SLC2A9: variants seen among roughly 807,000 people sequenced by gnomAD.
The protein encoded by SLC2A9 is solute carrier family 2 member 9.
A neutral mutation model predicts 50.6 loss-of-function variants in SLC2A9; 39 were observed. The ratio of observed to expected loss-of-function variants is 0.77; its 90% CI spans 0.60 to 1.01. The LOEUF (loss-of-function observed/expected upper bound fraction) is 1.01. SLC2A9 is among the 50% of genes least tolerant of loss of function. SLC2A9 has a pLI of 0.00. For missense variants in SLC2A9, 686 were observed against 677.6 expected, an observed-to-expected ratio of 1.01 and a Z score of -0.14; for synonymous variants, 324 against 276.9, an observed-to-expected ratio of 1.17 and a Z score of -1.69.
At chr4:9,927,181 C>G (rs1745062039) in intron 6 of SLC2A9, among the ~76,000 whole-genome samples, 1 of 126,694 alleles carries the variant, frequency 7.9e-6, no homozygotes, top group African/African-American at 3.5e-5. Flanking sequence ...AGGCATCCGC[C>G]ACCACGCCTG....
chr4:9,987,981 GT>G (rs1443563651), intron 3 of SLC2A9, among the ~76,000 whole-genome samples: 1 of 152,246 alleles, frequency 6.6e-6, no homozygotes, highest in East Asian at 1.9e-4. Flanking sequence ...AAGAACTAGC[GT>G]TTCCCCCCTG....
chr4:10,038,506 C>CAAAAAAAAA (rs35698968), intron 1 of SLC2A9, among the ~76,000 whole-genome samples: 10 of 49,432 alleles, frequency 2.0e-4, no homozygotes, highest in African/African-American at 8.8e-4. Flanking sequence ...GACTCTGTCT[C>CAAAAAAAAA]AAAAAAAAAA....
chr4:9,979,569 C>G (rs1259289228), intron 5 of SLC2A9, among the ~76,000 whole-genome samples: 2 of 152,082 alleles, frequency 1.3e-5, no homozygotes, highest in African/African-American at 4.8e-5. Flanking sequence ...CCATGTCTAC[C>G]ACCTCAGTCG....
intron 3 of SLC2A9, among the ~76,000 whole-genome samples, chr4:9,817,202 T>G (rs939252542): frequency 6.6e-6 from 1 of 152,184 alleles, no homozygotes; most frequent in African/African-American, 2.4e-5. Context: ...TGACCCAAAC[T>G]CAAGATCCTT....
downstream of SLC2A9, chr4:9,826,125 A>G (rs1725090492): frequency 8.8e-6 from 4 of 456,692 alleles, no homozygotes; most frequent in Non-Finnish European, 1.6e-5. Context: ...CTACCTATAT[A>G]GAAGAACGCT....
chr4:9,815,649 T>A (rs974118912), intron 3 of SLC2A9, among the ~76,000 whole-genome samples: 2 of 152,186 alleles, frequency 1.3e-5, no homozygotes, highest in Admixed American at 6.5e-5. Flanking sequence ...AAAGGCAAAT[T>A]TTCTGGTTCC....
intron 2 of SLC2A9, among the ~76,000 whole-genome samples, chr4:10,000,918 C>T (rs1759678878): frequency 1.3e-5 from 2 of 152,174 alleles, no homozygotes. Flanking sequence ...CCAATCTCCT[C>T]AACTAATCCA....
At chr4:9,931,946 C>CTCTCTCTCTCAA (rs1746083130) in intron 6 of SLC2A9, among the ~76,000 whole-genome samples, 1 of 58,340 alleles carries the variant, frequency 1.7e-5, no homozygotes, top group African/African-American at 9.3e-5. Context: ...CTCTCTCTCT[C>CTCTCTCTCTCAA]TCTCTCTCTC....
intron 10 of SLC2A9, among the ~76,000 whole-genome samples, chr4:9,878,173 A>G (rs1301251822): frequency 1.3e-5 from 2 of 152,014 alleles, no homozygotes; most frequent in African/African-American, 2.4e-5. Flanking sequence ...ATTGCAATAT[A>G]TATATATTTG....
At chr4:9,909,835 T>C (rs1343469201) in intron 7 of SLC2A9, among the ~76,000 whole-genome samples, 2 of 152,262 alleles carry the variant, frequency 1.3e-5, no homozygotes, top group African/African-American at 4.8e-5. Flanking sequence ...TGAACATTTA[T>C]GAACAGTTTG....
At chr4:10,012,814 G>T (rs913275892) in intron 2 of SLC2A9, among the ~76,000 whole-genome samples, 2 of 151,930 alleles carry the variant, frequency 1.3e-5, no homozygotes, top group Non-Finnish European at 2.9e-5. Context: ...AGGGAGTGAG[G>T]GGGGAAATGA....
chr4:9,960,752 G>T (rs577453355), intron 5 of SLC2A9, among the ~76,000 whole-genome samples: 2 of 152,306 alleles, frequency 1.3e-5, no homozygotes, highest in East Asian at 3.9e-4. Context: ...GGTGATGAGA[G>T]AGGTGATTCC....
downstream of SLC2A9, among the ~76,000 whole-genome samples, chr4:9,796,895 A>G (rs138311708): frequency 0.016 from 2,462 of 152,200 alleles, 78 homozygotes; most frequent in African/African-American, 0.056. Flanking sequence ...TCACTGAGTC[A>G]CTCACATTCC....
At chr4:9,811,120 A>C (rs1722833961) in intron 3 of SLC2A9, among the ~76,000 whole-genome samples, 1 of 149,522 alleles carries the variant, frequency 6.7e-6, no homozygotes, top group Admixed American at 6.6e-5. Context: ...AGAGGAACTA[A>C]CCCTCCTGGG....
At chr4:9,867,317 C>T (rs1732652942) in intron 10 of SLC2A9, among the ~76,000 whole-genome samples, 1 of 152,222 alleles carries the variant, frequency 6.6e-6, no homozygotes, top group South Asian at 2.1e-4. Context: ...GCTCCCCAAC[C>T]CAGCCTGCAC....
intron 4 of SLC2A9, among the ~76,000 whole-genome samples, chr4:9,981,490 C>A (rs559747218): frequency 6.6e-6 from 1 of 152,238 alleles, no homozygotes; most frequent in East Asian, 1.9e-4. Flanking sequence ...TATACTATTA[C>A]CATTTCTCTT....
intron 7 of SLC2A9, among the ~76,000 whole-genome samples, chr4:9,916,934 C>T (rs1415744072): frequency 1.3e-5 from 2 of 152,220 alleles, no homozygotes; most frequent in Non-Finnish European, 2.9e-5. Flanking sequence ...GTGCTGGAGG[C>T]ACAGGGTTGA....
At chr4:9,799,704 C>A (rs1302284222) in intron 3 of SLC2A9, among the ~76,000 whole-genome samples, 2 of 130,794 alleles carry the variant, frequency 1.5e-5, no homozygotes, top group South Asian at 2.8e-4. Flanking sequence ...CCCCCCCCCA[C>A]CCAACTTCTA....
intron 9 of SLC2A9, among the ~76,000 whole-genome samples, chr4:9,888,165 G>A (rs1037620533): frequency 4.0e-5 from 6 of 151,634 alleles, no homozygotes; most frequent in African/African-American, 1.5e-4. Flanking sequence ...AACACCTAAT[G>A]TAGATGATGG....
Sources: gnomAD v4.1 joint callset for allele counts (sites outside exome capture counted in the v4.1 genomes callset) on GRCh38, gnomAD v4.1.1 for gene constraint, MANE v1.5 for transcripts, NCBI Gene and HGNC (gene_info 2026-07-23, HGNC 2026-07-21) for gene names.